The following CFTR variants were observed in gnomAD, a reference collection of about 807,000 sequenced individuals.
CFTR encodes the protein cystic fibrosis transmembrane conductance regulator.
Under a neutral mutation model 171.6 loss-of-function variants are expected in CFTR, and 181 were observed. The ratio of observed to expected loss-of-function variants is 1.05; its 90% CI spans 0.93 to 1.19. The LOEUF is 1.19. Ranked by LOEUF, CFTR falls within the 50% of genes most tolerant of loss-of-function variation. The pLI is 0.00. For missense variants in CFTR, 1,968 were observed against 1,734.7 expected (o/e 1.13, Z -2.39); for synonymous variants, 583 against 608.0 (o/e 0.96, Z 0.60).
At chr7:117,558,093 T>A (rs1799390430) in intron 10 of CFTR, among the ~76,000 whole-genome samples, 1 of 152,172 alleles carries the variant, frequency 6.6e-6, no homozygotes, top group South Asian at 2.1e-4. Flanking sequence ...TAAATTTGTT[T>A]CATCTGAGCT....
intron 17 of CFTR, among the ~76,000 whole-genome samples, chr7:117,604,275 A>G (rs1792271731): frequency 6.6e-6 from 1 of 152,252 alleles, no homozygotes; most frequent in South Asian, 2.1e-4. Flanking sequence ...CTATTTTTAT[A>G]TCATCATATT....
chr7:117,654,064 AC>A (rs1793127707), intron 24 of CFTR, among the ~76,000 whole-genome samples: 1 of 152,146 alleles, frequency 6.6e-6, no homozygotes, highest in South Asian at 2.1e-4. Flanking sequence ...GTGGTGTCTT[AC>A]CTCTGGACAC....
At chr7:117,506,255 T>C (rs1798414817) in intron 2 of CFTR, among the ~76,000 whole-genome samples, 1 of 152,160 alleles carries the variant, frequency 6.6e-6, no homozygotes, top group African/African-American at 2.4e-5. Context: ...TTGTTGTTGC[T>C]GTTGTTTTTG....
At chr7:117,665,102 T>C (rs555492495) in intron 25 of CFTR, among the ~76,000 whole-genome samples, 1 of 152,374 alleles carries the variant, frequency 6.6e-6, no homozygotes, top group East Asian at 1.9e-4. Flanking sequence ...CAACACATGA[T>C]GAAGCTTTTA....
intron 3 of CFTR, among the ~76,000 whole-genome samples, chr7:117,524,644 GAATCTA>G (rs1798743802): frequency 6.6e-6 from 1 of 151,838 alleles, no homozygotes; most frequent in Admixed American, 6.6e-5. Context: ...AAAAATCCTC[GAATCTA>G]GAGAAAGGTT....
At chr7:117,599,318 C>A (rs573951620) in intron 15 of CFTR, among the ~76,000 whole-genome samples, 3 of 152,054 alleles carry the variant, frequency 2.0e-5, no homozygotes, top group Non-Finnish European at 2.9e-5. Context: ...ATTTATAGGA[C>A]CTTTGTCTCA....
chr7:117,664,544 C>T, intron 24 of CFTR, 144 bp from the exon 25 acceptor site: 1 of 743,356 alleles, frequency 1.3e-6, no homozygotes, highest in Non-Finnish European at 2.4e-6. Context: ...TTTGCTCAAT[C>T]AATTCAAATG....
At chr7:117,589,312 G>T (rs576077828) in intron 12 of CFTR, among the ~76,000 whole-genome samples, 1 of 151,904 alleles carries the variant, frequency 6.6e-6, no homozygotes, top group Non-Finnish European at 1.5e-5. Context: ...ACACTATAAA[G>T]GTTGTTTTAG....
chr7:117,667,317 A>G lies in CFTR; in HGVS notation c.*209A>G, dbSNP rs1265404822. 5 of 567,528 alleles carry G rather than the reference A, an allele frequency of 8.8e-6. No homozygotes were observed. Among genetic ancestry groups the G allele is most frequent in the Non-Finnish European group, 1.6e-5 (5 of 314,118 alleles). 35.2% of individuals were successfully genotyped at this position (567,528 alleles called of 1,614,324 possible). ...ATAAATGGCTTCCTGGCAATAGTCA[A>G]ATTGTGTGAAAGGTACTTCAAATCC... On this transcript the variant is annotated 3_prime_UTR_variant, in exon 27 of 27. Coordinates refer to ENST00000003084, the MANE Select transcript of CFTR (RefSeq NM_000492.4).
chr7:117,530,605 A>G (rs1236604031), intron 3 of CFTR, among the ~76,000 whole-genome samples: 3 of 152,188 alleles, frequency 2.0e-5, no homozygotes, highest in Admixed American at 2.0e-4. Context: ...AGATGTTACT[A>G]ATTAACAAAC....
chr7:117,593,095 C>A (rs571536302), intron 14 of CFTR, among the ~76,000 whole-genome samples: 2 of 152,280 alleles, frequency 1.3e-5, no homozygotes, highest in South Asian at 4.1e-4. Flanking sequence ...CTTGATAGGA[C>A]TAACTCACAT....
chr7:117,638,722 G>A (rs1792866826), intron 22 of CFTR, among the ~76,000 whole-genome samples: 1 of 145,484 alleles, frequency 6.9e-6, no homozygotes, highest in South Asian at 2.1e-4. Flanking sequence ...GGTGACAAGA[G>A]CAAAACTCCA....
At chr7:117,623,903 C>T (rs1277163831) in intron 21 of CFTR, among the ~76,000 whole-genome samples, 1 of 152,072 alleles carries the variant, frequency 6.6e-6, no homozygotes, top group Non-Finnish European at 1.5e-5. Flanking sequence ...TAACATGAAG[C>T]CTATGAGACA....
chr7:117,553,849 G>A (rs932270461), intron 10 of CFTR, among the ~76,000 whole-genome samples: 11 of 152,130 alleles, frequency 7.2e-5, no homozygotes, highest in African/African-American at 2.7e-4. Flanking sequence ...ACTTGCAGGA[G>A]GTGAGGGATT....
At chr7:117,532,160 G>A (rs1255008399) in intron 4 of CFTR, among the ~76,000 whole-genome samples, 2 of 151,414 alleles carry the variant, frequency 1.3e-5, no homozygotes, top group African/African-American at 2.4e-5. Context: ...AGCAAAACAT[G>A]TGATAAGTCA....
In CFTR at chr7:117,627,543, T is replaced by C. The variant is rs1792670013; in HGVS notation, c.3490T>C (p.Phe1164Leu). The C allele has an allele frequency of 6.2e-7, 1 of 1,613,162 alleles. No individual in the cohort carries two copies. Among genetic ancestry groups the C allele is most frequent in the Admixed American group, 1.7e-5 (1 of 59,908 alleles). Residue 1164 changes from phenylalanine to leucine, a missense_variant, in exon 22 of 27, where the codon TTT becomes CTT. Physicochemically the swap from Phe to Leu is conservative, Grantham distance 22. Transcript: ENST00000003084. ...TCAGATGCGATCTGTGAGCCGAGTC[T>C]TTAAGTTCATTGACATGCCAACAGA... ...DSLMRSVSRV[F>L]KFIDMPTEGK... is the part of the protein sequence containing the mutation.
At chr7:117,626,211 A>T (rs1367503822) in intron 21 of CFTR, among the ~76,000 whole-genome samples, 1 of 152,144 alleles carries the variant, frequency 6.6e-6, no homozygotes, top group African/African-American at 2.4e-5. Flanking sequence ...CAATACAGTT[A>T]GAATTGCTAA....
In CFTR at chr7:117,627,790, T is replaced by A. The variant is rs779275970; in HGVS notation, c.3717+20T>A. 6.2e-7 allele frequency: 1 copy of A among 1,607,134 alleles called. No individual in the cohort carries two copies. The highest frequency in any genetic ancestry group is 1.1e-5 in the South Asian group (1 of 90,804). On this transcript the variant is annotated intron_variant, in intron 22 of 26. Coordinates refer to ENST00000003084, the MANE Select transcript of CFTR (RefSeq NM_000492.4). ...CAGAGGGTGAGATTTGAACACTGCT[T>A]GCTTTGTTAGACTGTGTTCAGTAAG...
intron 3 of CFTR, among the ~76,000 whole-genome samples, chr7:117,521,458 T>C (rs1798684326): frequency 6.6e-6 from 1 of 152,106 alleles, no homozygotes; most frequent in Admixed American, 6.6e-5. Flanking sequence ...AGGTTAATAA[T>C]GTATCTTTAT....
Sources: gnomAD v4.1 joint callset for allele counts (sites outside exome capture counted in the v4.1 genomes callset) on GRCh38, gnomAD v4.1.1 for gene constraint, MANE v1.5 for transcripts, NCBI Gene and HGNC (gene_info 2026-07-23, HGNC 2026-07-21) for gene names.